SERPINI2: variants seen among roughly 807,000 people sequenced by gnomAD.
SERPINI2 encodes serpin I2.
Under a neutral mutation model 47.3 loss-of-function variants are expected in SERPINI2, and 48 were observed. The ratio of observed to expected loss-of-function variants is 1.02; its 90% CI spans 0.81 to 1.29. The LOEUF (loss-of-function observed/expected upper bound fraction) is 1.29. Among genes scored for constraint, SERPINI2 ranks in the 50% most tolerant of loss-of-function variants. The pLI is 0.00. For missense variants in SERPINI2, 448 were observed against 456.9 expected (o/e 0.98, Z 0.18); for synonymous variants, 135 against 149.3 (o/e 0.90, Z 0.70).
At chr3:167,465,394 A>G in exon 5 of SERPINI2, 1 of 1,602,056 alleles carries the variant, frequency 6.2e-7, no homozygotes, top group Middle Eastern at 1.7e-4. Flanking sequence ...ATTCAGAAAA[A>G]TAACCTGGAA....
intron 7 of SERPINI2, among the ~76,000 whole-genome samples, chr3:167,448,769 G>A (rs1332522960): frequency 4.0e-5 from 6 of 151,874 alleles, no homozygotes; most frequent in Non-Finnish European, 7.4e-5. Flanking sequence ...TGATCCACCC[G>A]CCTCGGCCTC....
chr3:167,445,169 C>T (rs1270383863), intron 8 of SERPINI2, among the ~76,000 whole-genome samples: 1 of 152,134 alleles, frequency 6.6e-6, no homozygotes, highest in East Asian at 1.9e-4. Context: ...TCAGAAGGGT[C>T]TCTCAGCATT....
chr3:167,471,632 T>C lies in SERPINI2; in HGVS notation c.203A>G (p.Gln68Arg), dbSNP rs760162685. 3.3e-5 allele frequency: 53 copies of C among 1,613,586 alleles called. No individual in the cohort carries two copies. The South Asian group carries it at 3.6e-4, about 11-fold the overall frequency. Residue 68 changes from glutamine to arginine, a missense_variant, in exon 2 of 9, where the codon CAG (glutamine) becomes CGG (arginine). Transcript: ENST00000264677. ...TTTTAAAGTTTGTCTTATCTGCTGC[T>C]GTGCTTTTCCTTTGGCTCCCAGTTG...
At chr3:167,463,950 T>C (rs1750057179) in intron 5 of SERPINI2, among the ~76,000 whole-genome samples, 1 of 151,482 alleles carries the variant, frequency 6.6e-6, no homozygotes, top group Non-Finnish European at 1.5e-5. Context: ...CCTTTCCAGG[T>C]TTTTGCTCCA....
chr3:167,448,581 T>C (rs187610899), intron 7 of SERPINI2, among the ~76,000 whole-genome samples: 2,107 of 152,140 alleles, frequency 0.014, 60 homozygotes, highest in Non-Finnish European at 0.013. Flanking sequence ...GGAGTGCAGT[T>C]GCGCGATCTA....
At chr3:167,471,067 G>A (rs1244321305) in intron 2 of SERPINI2, among the ~76,000 whole-genome samples, 1 of 152,056 alleles carries the variant, frequency 6.6e-6, no homozygotes, top group African/African-American at 2.4e-5. Context: ...CGTTACAGAT[G>A]AGGTGCATTT....
chr3:167,473,670 TAGAAAA>T, intron 1 of SERPINI2: 1 of 728,572 alleles, frequency 1.4e-6, no homozygotes. Flanking sequence ...CCATTTTTTC[TAGAAAA>T]TTTCTAAGCA....
At chr3:167,469,913 TAAC>T (rs1447056274) in intron 2 of SERPINI2, among the ~76,000 whole-genome samples, 1 of 152,182 alleles carries the variant, frequency 6.6e-6, no homozygotes, top group African/African-American at 2.4e-5. Context: ...GTTGTTTACT[TAAC>T]AAAGTAATTA....
intron 1 of SERPINI2, 36 bp from the exon 2 acceptor site, chr3:167,471,880 AAT>A (rs1394163224): frequency 6.5e-7 from 1 of 1,533,316 alleles, no homozygotes; most frequent in South Asian, 1.2e-5. Context: ...TCATTTTCAA[AAT>A]AGAGTTTTCC....
chr3:167,473,716 T>A (rs1750403879), intron 1 of SERPINI2: 1 of 1,356,056 alleles, frequency 7.4e-7, no homozygotes, highest in Non-Finnish European at 9.9e-7. Context: ...AGACAAATAT[T>A]GGTTTTAAAA....
At chr3:167,467,239 C>T in exon 3 of SERPINI2, 3 of 1,612,746 alleles carry the variant, frequency 1.9e-6, no homozygotes, top group Non-Finnish European at 2.5e-6. Context: ...CTTGTTTTTT[C>T]TCTGAGATGG....
chr3:167,455,707 A>G (rs949714171), intron 5 of SERPINI2, among the ~76,000 whole-genome samples: 3 of 152,196 alleles, frequency 2.0e-5, no homozygotes, highest in African/African-American at 7.2e-5. Context: ...CTGTACAGGG[A>G]GCATGATGCT....
At chr3:167,472,745 C>T (rs994536972) in intron 1 of SERPINI2, among the ~76,000 whole-genome samples, 3 of 151,850 alleles carry the variant, frequency 2.0e-5, no homozygotes, top group Admixed American at 1.3e-4. Flanking sequence ...TTAAAGTGCT[C>T]TCCACTAAAA....
chr3:167,467,964 C>T (rs78385576), intron 2 of SERPINI2, among the ~76,000 whole-genome samples: 232 of 152,226 alleles, frequency 1.5e-3, no homozygotes, highest in Admixed American at 4.2e-3. Context: ...GAATCACTTT[C>T]GGCCTATTAT....
intron 5 of SERPINI2, among the ~76,000 whole-genome samples, chr3:167,464,581 A>G (rs1750079447): frequency 6.7e-6 from 1 of 150,176 alleles, no homozygotes; most frequent in African/African-American, 2.4e-5. Flanking sequence ...TATTACACAT[A>G]AATCTCTTTT....
chr3:167,454,173 G>T (rs529261135), intron 5 of SERPINI2, among the ~76,000 whole-genome samples: 1 of 152,328 alleles, frequency 6.6e-6, no homozygotes, highest in African/African-American at 2.4e-5. Flanking sequence ...TAGAAATTAG[G>T]TGGGGCAATC....
Position 167,442,116 on chromosome 3 carries a change from G to T in SERPINI2, c.1211C>A (p.Ser404Ter). 6.3e-7 allele frequency: 1 copy of T among 1,597,950 alleles called. No individual in the cohort carries two copies. The highest frequency in any genetic ancestry group is 8.5e-7 in the Non-Finnish European group (1 of 1,173,392). The change falls in exon 9 of 9, where the codon TCA becomes TAA. Residue 404 changes from serine (S) to a stop codon, truncating the protein, a stop_gained. Transcript: ENST00000264677. LOFTEE classifies it high-confidence loss of function. ...TGAGGCTGTGCTTTTCATTCACAGT[G>T]AATCTAAATCTCTTCCTTTTATCTC...
At chr3:167,452,397 G>A (rs985310988) in intron 6 of SERPINI2, among the ~76,000 whole-genome samples, 12 of 152,122 alleles carry the variant, frequency 7.9e-5, no homozygotes, top group East Asian at 7.7e-4. Flanking sequence ...CCCCTGATGC[G>A]AGTTAGCATA....
Position 167,465,402 on chromosome 3 carries a change from G to T in SERPINI2, c.674-4C>A. 1 of 1,602,394 alleles carries T rather than the reference G, an allele frequency of 6.2e-7. No homozygotes were observed. The highest frequency in any genetic ancestry group is 1.4e-5 in the African/African-American group (1 of 74,004). ...AGGGAAGATTCAGAAAAATAACCTGGAATAGACAAAATAAAATATCAAATA... is the reference window on the plus strand; with the variant it reads ...AGGGAAGATTCAGAAAAATAACCTGTAATAGACAAAATAAAATATCAAATA... On this transcript the variant is annotated splice_region_variant and splice_polypyrimidine_tract_variant and intron_variant, in intron 4 of 8. Transcript: ENST00000264677.
Sources: gnomAD v4.1 joint callset for allele counts (sites outside exome capture counted in the v4.1 genomes callset) on GRCh38, gnomAD v4.1.1 for gene constraint, MANE v1.5 for transcripts, NCBI Gene and HGNC (gene_info 2026-07-23, HGNC 2026-07-21) for gene names.